Variants in USP45 observed in about 807,000 individuals in gnomAD.
The protein encoded by USP45 is ubiquitin carboxyl-terminal hydrolase 45.
A neutral mutation model predicts 95.8 loss-of-function variants in USP45; 89 were observed. The ratio of observed to expected loss-of-function variants is 0.93; its 90% confidence interval spans 0.78 to 1.11. USP45 has a LOEUF of 1.11. USP45 is among the 50% of genes least tolerant of loss of function. The pLI is 0.00. For synonymous variants in USP45, 281 were observed against 316.2 expected (o/e 0.89, Z 1.18); for missense variants, 898 against 942.5 (o/e 0.95, Z 0.62).
At chr6:99,503,373 C>A (rs1473451820) in intron 5 of USP45, among the ~76,000 whole-genome samples, 3 of 151,332 alleles carry the variant, frequency 2.0e-5, no homozygotes, top group Admixed American at 6.6e-5. Flanking sequence ...GTTGCCTAGA[C>A]TGGAGTGCAG....
At chr6:99,458,278 C>T (rs1785541639) in intron 13 of USP45, among the ~76,000 whole-genome samples, 1 of 152,206 alleles carries the variant, frequency 6.6e-6, no homozygotes, top group Non-Finnish European at 1.5e-5. Context: ...CTCGGCCTCC[C>T]AAAGTGCTGG....
At chr6:99,461,992 A>G (rs1786557102) in intron 13 of USP45, 12 of 985,282 alleles carry the variant, frequency 1.2e-5, no homozygotes, top group Non-Finnish European at 1.4e-5. Context: ...TAAACTTCCT[A>G]ATGACTGAAA....
At chr6:99,498,069 C>T (rs1173421020) in intron 5 of USP45, among the ~76,000 whole-genome samples, 1 of 152,168 alleles carries the variant, frequency 6.6e-6, no homozygotes, top group Non-Finnish European at 1.5e-5. Flanking sequence ...ACTATTTAAA[C>T]AGGCAAGTAT....
intron 7 of USP45, among the ~76,000 whole-genome samples, chr6:99,484,580 CT>C (rs1793368077): frequency 6.6e-6 from 1 of 152,126 alleles, no homozygotes; most frequent in South Asian, 2.1e-4. Context: ...GGAAGGATCA[CT>C]TGAGCCCAGA....
rs1780271778 is a variant in USP45 at position 99,435,188 on chromosome 6, G to C, written c.*528C>G. 1 of 152,436 alleles carries C rather than the reference G, an allele frequency of 6.6e-6. No individual in the cohort carries two copies. The highest frequency in any genetic ancestry group is 1.9e-4 in the East Asian group (1 of 5,204). The allele number at this position is 152,436 out of a possible 1,614,324, so 9.4% of individuals were successfully genotyped here. On this transcript the variant is annotated 3_prime_UTR_variant, in exon 18 of 18. Transcript: ENST00000500704. ...ATGATTTTAAGTTAAGTGGTACGTG[G>C]ATAAACAATTTTTAATAGTTTTACT...
chr6:99,510,523 G>A (rs2128815675), intron 1 of USP45, among the ~76,000 whole-genome samples: 1 of 152,294 alleles, frequency 6.6e-6, no homozygotes, highest in Middle Eastern at 3.4e-3. Flanking sequence ...ATACTTGGAG[G>A]TGAAGCCTTT....
Position 99,460,759 on chromosome 6 carries a change from T to G in USP45, c.1308+3845A>C. ...TGTAAATAAGAGGACTATGATTTTC[T>G]GAATATAACCCCAATGATGAGAGGC... is the stretch of plus-strand genomic sequence containing the variant. On this transcript the variant is annotated intron_variant, in intron 13 of 17. Transcript: ENST00000500704. 3 of 983,556 alleles carry G rather than the reference T, an allele frequency of 3.1e-6. No individual in the cohort carries two copies. The South Asian group carries it at 1.4e-4, about 46-fold the overall frequency. The allele number at this position is 983,556 out of a possible 1,614,324, so 60.9% of individuals were successfully genotyped here.
chr6:99,433,140 C>T lies in USP45; in HGVS notation c.*2576G>A, dbSNP rs1055927195. The T allele has an allele frequency of 1.3e-4, 20 of 152,290 alleles. No homozygotes were observed. Among genetic ancestry groups the T allele is most frequent in the African/African-American group, 4.8e-4 (20 of 41,424 alleles). The allele number at this position is 152,290 out of a possible 1,614,324, so 9.4% of individuals were successfully genotyped here. ...CAACAGCATGAGCCACCATGCCTGG[C>T]TAACAAATTGATACCAACTATCACT... On this transcript the variant is annotated 3_prime_UTR_variant, in exon 18 of 18. Transcript: ENST00000500704.
At chr6:99,448,849 A>G (rs532225617) in intron 13 of USP45, among the ~76,000 whole-genome samples, 45 of 152,366 alleles carry the variant, frequency 3.0e-4, no homozygotes, top group African/African-American at 1.0e-3. Context: ...TCTACAAGCC[A>G]GAAGAGATTG....
At chr6:99,507,186 G>A (rs1798736204) in intron 4 of USP45, among the ~76,000 whole-genome samples, 1 of 152,276 alleles carries the variant, frequency 6.6e-6, no homozygotes, top group Non-Finnish European at 1.5e-5. Flanking sequence ...CAGCCTTGGC[G>A]ACAGAGTGAG....
At chr6:99,502,845 G>A (rs1797686254) in intron 5 of USP45, among the ~76,000 whole-genome samples, 1 of 152,102 alleles carries the variant, frequency 6.6e-6, no homozygotes, top group Non-Finnish European at 1.5e-5. Context: ...TTTTCCTCCT[G>A]TTCCACCATG....
chr6:99,472,582 A>C (rs1342237160), intron 9 of USP45, among the ~76,000 whole-genome samples: 1 of 152,142 alleles, frequency 6.6e-6, no homozygotes, highest in African/African-American at 2.4e-5. Flanking sequence ...ATTCCTGCAA[A>C]TCATGGGGAA....
Position 99,488,445 on chromosome 6 carries a change from G to T in USP45, c.619-150C>A, listed in dbSNP as rs541224158. 6 of 685,926 alleles carry T rather than the reference G, an allele frequency of 8.7e-6. No homozygotes were observed. The Admixed American group carries it at 9.7e-5, about 11-fold the overall frequency. The allele number at this position is 685,926 out of a possible 1,614,324, so 42.5% of individuals were successfully genotyped here. On this transcript the variant is annotated intron_variant, in intron 6 of 17. Coordinates refer to ENST00000500704, the MANE Select transcript of USP45 (RefSeq NM_001346022.3). The stretch of plus-strand genomic sequence containing the variant: ...TTGAGTACATTTTACATTTAGTAAA[G>T]GTCACTATTACCGATAGAGCCATGG...
intron 7 of USP45, among the ~76,000 whole-genome samples, chr6:99,485,431 C>T (rs1050478391): frequency 1.3e-5 from 2 of 152,120 alleles, no homozygotes; most frequent in African/African-American, 2.4e-5. Context: ...GAATTTCACA[C>T]ATAATGTTGA....
intron 17 of USP45, 129 bp from the exon 18 acceptor site, chr6:99,435,975 T>G: frequency 1.0e-6 from 1 of 952,504 alleles, no homozygotes; most frequent in Non-Finnish European, 1.5e-6. Context: ...GCCTGTTTTT[T>G]CTTGGGTTAA....
chr6:99,478,700 T>C (rs934829882), intron 8 of USP45, among the ~76,000 whole-genome samples: 1 of 152,116 alleles, frequency 6.6e-6, no homozygotes, highest in African/African-American at 2.4e-5. Flanking sequence ...ATCATATCCT[T>C]TGCAGCAAGC....
intron 13 of USP45, chr6:99,460,993 T>C: frequency 1.0e-6 from 1 of 985,348 alleles, no homozygotes; most frequent in South Asian, 4.7e-5. Context: ...CTCAAAGAGC[T>C]TAATTGGCAA....
At chr6:99,467,208 G>T (rs936854378) in intron 10 of USP45, among the ~76,000 whole-genome samples, 1 of 151,988 alleles carries the variant, frequency 6.6e-6, no homozygotes, top group Non-Finnish European at 1.5e-5. Flanking sequence ...CAAGAACATG[G>T]TTATATTTTT....
intron 5 of USP45, among the ~76,000 whole-genome samples, chr6:99,502,235 T>C (rs1797538017): frequency 6.6e-6 from 1 of 152,226 alleles, no homozygotes; most frequent in African/African-American, 2.4e-5. Flanking sequence ...TCATTCCCTC[T>C]GGAGTGGACA....
Sources: gnomAD v4.1 joint callset for allele counts (sites outside exome capture counted in the v4.1 genomes callset) on GRCh38, gnomAD v4.1.1 for gene constraint, MANE v1.5 for transcripts, NCBI Gene and HGNC (gene_info 2026-07-23, HGNC 2026-07-21) for gene names.